The following EFHB variants were observed in gnomAD, a reference collection of about 807,000 sequenced individuals.
EFHB encodes EF-hand domain family member B.
A neutral mutation model predicts 87.2 loss-of-function variants in EFHB; 91 were observed. That is an observed-to-expected ratio of 1.04 (90% CI 0.88 to 1.24). EFHB has a LOEUF of 1.24. EFHB is among the 50% of genes most tolerant of loss of function. The pLI is 0.00. For missense variants in EFHB, 1,084 were observed against 998.8 expected (o/e 1.09, Z -1.15); for synonymous variants, 325 against 333.6 (o/e 0.97, Z 0.28).
At chr3:19,926,786 G>A (rs1695645903) in intron 1 of EFHB, among the ~76,000 whole-genome samples, 1 of 152,014 alleles carries the variant, frequency 6.6e-6, no homozygotes, top group African/African-American at 2.4e-5. Context: ...TCAGCCTCCT[G>A]AGTAGCTGGG....
At position 19,896,576 on chromosome 3, in the gene EFHB, C is replaced by T. The variant is rs781742373; in HGVS notation, c.1725+111G>A. ...GTAAAACTTTACTGACACAAACAAACAGTGGGCTGGATTTGGCCCACAGGC... is the reference window on the plus strand; with the variant it reads ...GTAAAACTTTACTGACACAAACAAATAGTGGGCTGGATTTGGCCCACAGGC... On this transcript the variant is annotated intron_variant, in intron 9 of 12. Transcript: ENST00000295824. 15 of 1,390,528 alleles carry T rather than the reference C, an allele frequency of 1.1e-5. No homozygotes were observed. The Admixed American group carries it at 1.2e-4, about 11-fold the overall frequency. The allele number at this position is 1,390,528 out of a possible 1,614,324, so 86.1% of individuals were successfully genotyped here.
Position 19,884,534 on chromosome 3 carries a change from A to G in EFHB, c.2015T>C (p.Ile672Thr), listed in dbSNP as rs1335970175. 4.3e-6 allele frequency: 7 copies of G among 1,613,970 alleles called. No individual in the cohort carries two copies. The highest frequency in any genetic ancestry group is 1.7e-5 in the Admixed American group (1 of 60,022). The part of the protein sequence containing the change: ...EQTLLIKPED[I>T]VLKEAGSTEK... ...TGTGCTTCCTGCTTCTTTTAAGACA[A>G]TATCTTCTGGCTTTATGAGGAGAGT... Residue 672 changes from isoleucine to threonine, a missense_variant, in exon 11 of 13, where the codon ATT (isoleucine) becomes ACT (threonine). Transcript: ENST00000295824.
intron 1 of EFHB, among the ~76,000 whole-genome samples, chr3:19,945,372 G>GA (rs1403966719): frequency 6.6e-6 from 1 of 152,218 alleles, no homozygotes; most frequent in Non-Finnish European, 1.5e-5. Flanking sequence ...AGAATGGACA[G>GA]AAAGAACAGC....
intron 1 of EFHB, among the ~76,000 whole-genome samples, chr3:19,928,507 C>A (rs559528633): frequency 6.6e-6 from 1 of 152,168 alleles, no homozygotes; most frequent in Non-Finnish European, 1.5e-5. Flanking sequence ...GACAGTGGTG[C>A]GATCTTGGCT....
chr3:19,879,824 A>G lies in EFHB; in HGVS notation c.2329-20T>C, dbSNP rs1466207809. 6.4e-7 allele frequency: 1 copy of G among 1,552,918 alleles called. No individual in the cohort carries two copies. Among genetic ancestry groups the G allele is most frequent in the Non-Finnish European group, 8.7e-7 (1 of 1,152,856 alleles). On this transcript the variant is annotated intron_variant, in intron 12 of 12. Transcript: ENST00000295824. Reference sequence around the variant, plus strand: ...TGCAATCTAGAAAAAGGCATTTAAAATAGACCATGATTTATATGTTTTAAA... The same window carrying G: ...TGCAATCTAGAAAAAGGCATTTAAAGTAGACCATGATTTATATGTTTTAAA...
intron 10 of EFHB, among the ~76,000 whole-genome samples, chr3:19,885,314 C>A (rs1694063117): frequency 6.6e-6 from 1 of 151,902 alleles, no homozygotes. Context: ...ACAAGACATG[C>A]TTGTAGTGGA....
At chr3:19,894,287 T>C (rs62279125) in intron 9 of EFHB, among the ~76,000 whole-genome samples, 27,236 of 152,180 alleles carry the variant, frequency 0.18, 3,185 homozygotes, top group Non-Finnish European at 0.26. Flanking sequence ...ACCATTGTGA[T>C]GTCAACTGGC....
chr3:19,931,228 G>A (rs1041687647), intron 1 of EFHB, among the ~76,000 whole-genome samples: 1 of 152,166 alleles, frequency 6.6e-6, no homozygotes, highest in Admixed American at 6.5e-5. Flanking sequence ...ATTACAGCTA[G>A]TGCCACTGCA....
At chr3:19,905,457 T>C (rs1232930668) in intron 6 of EFHB, among the ~76,000 whole-genome samples, 163 bp downstream of exon 6, 1 of 152,160 alleles carries the variant, frequency 6.6e-6, no homozygotes, top group African/African-American at 2.4e-5. Context: ...AGGATGGGTG[T>C]CAGAAGTGAA....
chr3:19,915,657 C>A (rs998555886), intron 4 of EFHB, among the ~76,000 whole-genome samples: 2 of 151,798 alleles, frequency 1.3e-5, no homozygotes, highest in Middle Eastern at 6.8e-3. Context: ...CAATGGCTCA[C>A]GTGTGTAATC....
At chr3:19,934,379 C>T, upstream of EFHB, among the ~76,000 whole-genome samples, 1 of 69,946 alleles carries the variant, frequency 1.4e-5, no homozygotes. Flanking sequence ...TCTCTCTCCT[C>T]TGTTTCTCTC....
At chr3:19,883,857 C>CA (rs1389363783) in intron 11 of EFHB, among the ~76,000 whole-genome samples, 1 of 152,128 alleles carries the variant, frequency 6.6e-6, no homozygotes, top group Non-Finnish European at 1.5e-5. Flanking sequence ...AGGGAAGAGG[C>CA]ATGGACAGAT....
chr3:19,907,845 T>A (rs1318889939), intron 5 of EFHB, among the ~76,000 whole-genome samples: 3 of 152,176 alleles, frequency 2.0e-5, no homozygotes, highest in Non-Finnish European at 4.4e-5. Flanking sequence ...GTCTTGTTAT[T>A]GAAGTAACAA....
At chr3:19,934,346 CTCTG>C (rs1695952558), upstream of EFHB, 1 of 941,794 alleles carries the variant, frequency 1.1e-6, no homozygotes, top group Non-Finnish European at 1.4e-6. Context: ...CTTCTCTCTC[CTCTG>C]TCTCTCTCTC....
chr3:19,917,772 C>T (rs1321888706), intron 4 of EFHB, among the ~76,000 whole-genome samples: 1 of 152,102 alleles, frequency 6.6e-6, no homozygotes. Context: ...TTGGTTAGTA[C>T]GCAGGTAGAC....
At chr3:19,910,832 A>G (rs1207688464) in intron 5 of EFHB, among the ~76,000 whole-genome samples, 5 of 152,250 alleles carry the variant, frequency 3.3e-5, no homozygotes, top group Non-Finnish European at 5.9e-5. Flanking sequence ...ATTCTCCCAG[A>G]TCTTGTCCAA....
rs779534510 is a variant in EFHB at position 19,882,600 on chromosome 3, G to T, written c.2278C>A (p.Arg760=). The change falls in exon 12 of 13, where the codon CGG becomes AGG. Residue 760 remains arginine, a synonymous_variant. Coordinates refer to ENST00000295824, the MANE Select transcript of EFHB (RefSeq NM_144715.4). ...AAGTCTCTTTCAAACACTCCTTTCC[G>T]GGCAAAAATGGTAGGATATAGTAGT... The part of the protein sequence containing the change: ...YSLLYPTIFA[R]KGVFERDFFK... 1 of 1,611,164 alleles carries T rather than the reference G, an allele frequency of 6.2e-7. No homozygotes were observed. Among genetic ancestry groups the T allele is most frequent in the Non-Finnish European group, 8.5e-7 (1 of 1,178,302 alleles).
At chr3:19,915,965 G>A (rs2929367) in intron 4 of EFHB, among the ~76,000 whole-genome samples, 24,450 of 151,840 alleles carry the variant, frequency 0.16, 2,150 homozygotes, top group South Asian at 0.25. Flanking sequence ...GCAACAGAGC[G>A]AAACTTTCAT....
At chr3:19,881,605 G>C (rs968341986) in intron 12 of EFHB, among the ~76,000 whole-genome samples, 3 of 152,132 alleles carry the variant, frequency 2.0e-5, no homozygotes, top group African/African-American at 7.2e-5. Flanking sequence ...AGGATACCAA[G>C]TTCCTCCTTT....
Sources: allele counts gnomAD v4.1 joint callset (sites outside exome capture counted in the v4.1 genomes callset), GRCh38; gene constraint gnomAD v4.1.1; transcripts MANE v1.5; gene names NCBI Gene and HGNC (gene_info 2026-07-23, HGNC 2026-07-21).